The following HSD17B4 variants were observed in gnomAD, a reference collection of about 807,000 sequenced individuals.
The protein encoded by HSD17B4 is peroxisomal multifunctional enzyme type 2.
HSD17B4 carries 70 observed loss-of-function variants against 101.0 expected under a neutral mutation model. That is an observed-to-expected ratio of 0.69 (90% confidence interval 0.57 to 0.85). HSD17B4 has a LOEUF of 0.85. HSD17B4 is among the 40% of genes least tolerant of loss of function. The probability of loss-of-function intolerance (pLI) is 0.00; values close to 1 mark genes in which losing one functional copy is unlikely to be tolerated. For synonymous variants in HSD17B4, 347 were observed against 297.1 expected (o/e 1.17, Z -1.73); for missense variants, 984 against 892.4 (o/e 1.10, Z -1.31).
At chr5:119,508,959 G>A (rs556445382) in intron 15 of HSD17B4, among the ~76,000 whole-genome samples, 182 bp from the exon 16 acceptor site, 10 of 152,312 alleles carry the variant, frequency 6.6e-5, no homozygotes, top group Admixed American at 3.9e-4. Flanking sequence ...TCAGATTCTG[G>A]TATGAATGGA....
At chr5:119,494,961 G>T (rs566917872) in intron 11 of HSD17B4, among the ~76,000 whole-genome samples, 10 of 151,846 alleles carry the variant, frequency 6.6e-5, no homozygotes, top group Admixed American at 3.9e-4. Flanking sequence ...GGGTCATTTT[G>T]TAGAAAAACT....
intron 8 of HSD17B4, among the ~76,000 whole-genome samples, chr5:119,480,334 A>C (rs1457929508): frequency 6.6e-6 from 1 of 151,990 alleles, no homozygotes; most frequent in Non-Finnish European, 1.5e-5. Flanking sequence ...CTATTTTCCT[A>C]AGCATCGGCT....
At chr5:119,511,052 G>T (rs575459274) in intron 16 of HSD17B4, among the ~76,000 whole-genome samples, 1 of 152,262 alleles carries the variant, frequency 6.6e-6, no homozygotes, top group South Asian at 2.1e-4. Context: ...TCCGTGGTTG[G>T]AGAGTCAGCA....
intron 17 of HSD17B4, among the ~76,000 whole-genome samples, chr5:119,520,363 T>C (rs1301518339): frequency 6.6e-6 from 1 of 152,150 alleles, no homozygotes; most frequent in Non-Finnish European, 1.5e-5. Context: ...TTTCTTCATG[T>C]GGTGTATCAT....
At chr5:119,525,718 T>C in intron 18 of HSD17B4, 199 bp from the exon 19 acceptor site, 1 of 577,938 alleles carries the variant, frequency 1.7e-6, no homozygotes, top group Non-Finnish European at 3.1e-6. Flanking sequence ...GTTTTGTTTT[T>C]TTTTTTTCTT....
At position 119,541,921 on chromosome 5, in the gene HSD17B4, G is replaced by A. The variant is rs149776885; in HGVS notation, c.2138G>A (p.Arg713Lys). The change falls in exon 24 of 24, where the codon AGG becomes AAG. Residue 713 changes from arginine to lysine, a missense_variant. By Grantham distance (26) the Arg-to-Lys change is conservative. Transcript: ENST00000510025. The part of the protein sequence containing the change: ...LDPQKAFFSG[R>K]LKARGNIMLS... ...TCCTTGCAGGCATTCTTTAGTGGCA[G>A]GCTGAAGGCCAGAGGGAACATCATG... 32 of 1,611,764 alleles carry A rather than the reference G, an allele frequency of 2.0e-5. No individual in the cohort carries two copies. The highest frequency in any genetic ancestry group is 1.6e-4 in the Middle Eastern group (1 of 6,076).
intron 2 of HSD17B4, among the ~76,000 whole-genome samples, chr5:119,466,687 T>G (rs1755842737): frequency 6.6e-6 from 1 of 152,140 alleles, no homozygotes; most frequent in Admixed American, 6.5e-5. Flanking sequence ...TCTTTTTTTC[T>G]TATTCTAGCT....
intron 10 of HSD17B4, 72 bp downstream of exon 10, chr5:119,492,196 G>A: frequency 8.5e-7 from 1 of 1,170,796 alleles, no homozygotes; most frequent in South Asian, 1.2e-5. Context: ...CAGTTGAGAT[G>A]GGTAAGATTT....
chr5:119,480,587 ACAGGACTGAGGCGAAATTAAAATT>A (rs1239373930), intron 8 of HSD17B4, among the ~76,000 whole-genome samples: 1 of 152,216 alleles, frequency 6.6e-6, no homozygotes, highest in Non-Finnish European at 1.5e-5. Flanking sequence ...TCACAGGACC[ACAGGACTGAGGCGAAATTAAAATT>A]GCTAATGAAG....
At position 119,531,253 on chromosome 5, in the gene HSD17B4, T is replaced by C. The variant is rs1239793699; in HGVS notation, c.1855-13T>C. The C allele has an allele frequency of 3.7e-6, 6 of 1,613,066 alleles. No individual in the cohort carries two copies. Among genetic ancestry groups the C allele is most frequent in the East Asian group, 2.2e-5 (1 of 44,854 alleles). On this transcript the variant is annotated splice_polypyrimidine_tract_variant and intron_variant, in intron 21 of 23. Transcript: ENST00000510025. The stretch of plus-strand genomic sequence containing the variant: ...TACAGAACTTTTAAAGTTTATTTTG[T>C]TGTCGTTGTTAGGGCGGGAAGCTTC...
At chr5:119,466,959 G>A (rs1474651994) in intron 2 of HSD17B4, among the ~76,000 whole-genome samples, 1 of 151,972 alleles carries the variant, frequency 6.6e-6, no homozygotes, top group Non-Finnish European at 1.5e-5. Flanking sequence ...TATTTCATAG[G>A]CTTTGGTATA....
intron 2 of HSD17B4, among the ~76,000 whole-genome samples, chr5:119,461,697 C>A (rs1330768413): frequency 1.4e-5 from 2 of 139,772 alleles, no homozygotes; most frequent in African/African-American, 2.7e-5. Flanking sequence ...GCCTGGGCAA[C>A]ATAGCAAGGC....
chr5:119,521,542 CTTCTG>C (rs1332642329), intron 17 of HSD17B4, among the ~76,000 whole-genome samples: 1 of 151,888 alleles, frequency 6.6e-6, no homozygotes, highest in African/African-American at 2.4e-5. Flanking sequence ...AACTACTTTT[CTTCTG>C]TTCTTTTTTA....
chr5:119,534,468 T>C (rs1232250892), intron 22 of HSD17B4, among the ~76,000 whole-genome samples: 2 of 152,004 alleles, frequency 1.3e-5, no homozygotes, highest in Non-Finnish European at 2.9e-5. Context: ...TTTGCCACAG[T>C]ATGTAAGAAT....
intron 2 of HSD17B4, among the ~76,000 whole-genome samples, chr5:119,470,309 T>G (rs1266572888): frequency 6.6e-6 from 1 of 151,978 alleles, no homozygotes; most frequent in Non-Finnish European, 1.5e-5. Context: ...CATGGTGGGA[T>G]GATGGCAGAT....
chr5:119,539,007 C>G (rs1032525886), intron 23 of HSD17B4, among the ~76,000 whole-genome samples: 5 of 151,896 alleles, frequency 3.3e-5, no homozygotes, highest in African/African-American at 7.3e-5. Flanking sequence ...TAGATTAAAG[C>G]AAATATAGAA....
chr5:119,452,674 C>A, intron 1 of HSD17B4, 41 bp downstream of exon 1: 1 of 1,612,710 alleles, frequency 6.2e-7, no homozygotes, highest in Middle Eastern at 1.7e-4. Flanking sequence ...CTTGCTGAGG[C>A]GCAGCTGGCT....
chr5:119,537,818 C>G (rs549480837), intron 23 of HSD17B4, among the ~76,000 whole-genome samples: 2 of 152,066 alleles, frequency 1.3e-5, no homozygotes, highest in Non-Finnish European at 2.9e-5. Context: ...AAACACACAG[C>G]CACTAGATCT....
At chr5:119,530,062 G>T (rs571196775) in intron 21 of HSD17B4, 82 bp downstream of exon 21, 22 of 828,702 alleles carry the variant, frequency 2.7e-5, no homozygotes, top group Middle Eastern at 4.4e-4. Context: ...GTTAGGCTAC[G>T]TTAGAAAATT....
Sources: allele counts gnomAD v4.1 joint callset (sites outside exome capture counted in the v4.1 genomes callset), GRCh38; gene constraint gnomAD v4.1.1; transcripts MANE v1.5; gene names NCBI Gene and HGNC (gene_info 2026-07-23, HGNC 2026-07-21).